CNOT2: variants seen among roughly 807,000 people sequenced by gnomAD.
CNOT2 encodes the protein CC chemokine receptor 4-negative regulator of transcription 2.
In CNOT2, 7 loss-of-function variants were observed where a neutral mutation model predicts 72.1. The observed-to-expected ratio is 0.10, with a 90% CI of 0.06 to 0.18. CNOT2 has a LOEUF of 0.18. CNOT2 is among the 10% of genes least tolerant of loss of function. CNOT2 has a pLI of 1.00. For missense variants in CNOT2, 345 were observed against 660.3 expected (o/e 0.52, Z 5.23); for synonymous variants, 196 against 225.6 (o/e 0.87, Z 1.17).
At chr12:70,263,158 C>T (rs539843021) in intron 1 of CNOT2, among the ~76,000 whole-genome samples, 2 of 152,294 alleles carry the variant, frequency 1.3e-5, no homozygotes, top group African/African-American at 2.4e-5. Flanking sequence ...TGGCTTCCAA[C>T]GTTTTGTGCT....
At chr12:70,295,113 C>T (rs1394463399) in intron 2 of CNOT2, among the ~76,000 whole-genome samples, 1 of 152,148 alleles carries the variant, frequency 6.6e-6, no homozygotes, top group Non-Finnish European at 1.5e-5. Context: ...GCTTTCAAAA[C>T]GTGTTTCTTT....
chr12:70,340,912 T>G (rs1881409703), intron 11 of CNOT2, among the ~76,000 whole-genome samples: 2 of 77,348 alleles, frequency 2.6e-5, no homozygotes, highest in African/African-American at 5.5e-5. Flanking sequence ...TTTTTTTTTT[T>G]GAGACAGAGT....
chr12:70,272,959 T>C (rs1413577608), intron 1 of CNOT2, among the ~76,000 whole-genome samples: 1 of 152,178 alleles, frequency 6.6e-6, no homozygotes, highest in African/African-American at 2.4e-5. Context: ...ATTGATGATA[T>C]ATCTTTGTGC....
intron 1 of CNOT2, among the ~76,000 whole-genome samples, chr12:70,245,339 TTTCTC>T (rs1204199917): frequency 2.0e-5 from 3 of 152,228 alleles, no homozygotes; most frequent in Non-Finnish European, 4.4e-5. Context: ...AAAAGGTACT[TTTCTC>T]TCATATTTTC....
At chr12:70,251,498 T>C (rs957325937) in intron 1 of CNOT2, among the ~76,000 whole-genome samples, 1 of 152,162 alleles carries the variant, frequency 6.6e-6, no homozygotes, top group Non-Finnish European at 1.5e-5. Flanking sequence ...AGCCACAGTA[T>C]GAGGTCTTAT....
intron 2 of CNOT2, among the ~76,000 whole-genome samples, chr12:70,299,974 G>A (rs1308279448): frequency 6.6e-6 from 1 of 152,212 alleles, no homozygotes; most frequent in East Asian, 1.9e-4. Context: ...CTAATGGCCA[G>A]TGATGATGAG....
chr12:70,287,820 T>C (rs1871165056), intron 2 of CNOT2, among the ~76,000 whole-genome samples: 1 of 150,014 alleles, frequency 6.7e-6, no homozygotes, highest in Non-Finnish European at 1.5e-5. Context: ...TTTCCTTGTG[T>C]GTATATTAAG....
At chr12:70,345,352 C>A (rs1198245480) in intron 14 of CNOT2, 1 of 151,870 alleles carries the variant, frequency 6.6e-6, no homozygotes, top group African/African-American at 2.4e-5. Flanking sequence ...TTATGTTTTT[C>A]CTTCATTTTT....
At chr12:70,281,724 T>C (rs1289307078) in intron 2 of CNOT2, among the ~76,000 whole-genome samples, 1 of 152,230 alleles carries the variant, frequency 6.6e-6, no homozygotes, top group African/African-American at 2.4e-5. Context: ...GTTTAGTGTT[T>C]ACCATAATAC....
rs368557583 is a variant in CNOT2 at position 70,338,799 on chromosome 12, A to G, written c.1155A>G (p.Leu385=). 4.3e-6 allele frequency: 7 copies of G among 1,613,414 alleles called. No individual in the cohort carries two copies. Among genetic ancestry groups the G allele is most frequent in the Admixed American group, 1.7e-5 (1 of 59,938 alleles). ...CATTAGGAAGTGACTTAACAACATT[A>G]GGCCTCAATCTGAACTCTCCTGAGT... ...HLALGSDLTT[L]GLNLNSPENL... Residue 385 remains leucine, a synonymous_variant, in exon 11 of 16, where the codon TTA becomes TTG. Transcript: ENST00000229195.
intron 2 of CNOT2, chr12:70,294,162 G>A: frequency 7.8e-7 from 1 of 1,289,184 alleles, no homozygotes; most frequent in Non-Finnish European, 1.0e-6. Flanking sequence ...CAACCCTGCT[G>A]TAATATCTCA....
At chr12:70,288,527 G>A (rs547758636) in intron 2 of CNOT2, among the ~76,000 whole-genome samples, 2 of 152,186 alleles carry the variant, frequency 1.3e-5, no homozygotes, top group African/African-American at 2.4e-5. Flanking sequence ...TAAGCTTGTG[G>A]CTTCTCTGGA....
At chr12:70,303,210 G>A (rs1278310260) in intron 2 of CNOT2, among the ~76,000 whole-genome samples, 5 of 152,064 alleles carry the variant, frequency 3.3e-5, no homozygotes, top group African/African-American at 7.2e-5. Flanking sequence ...CATATAGCCC[G>A]TTCACATTTA....
chr12:70,268,599 G>A (rs1380620589), intron 1 of CNOT2, among the ~76,000 whole-genome samples: 1 of 151,664 alleles, frequency 6.6e-6, no homozygotes, highest in East Asian at 1.9e-4. Context: ...GGGTGCGTGT[G>A]CCATCACGCT....
chr12:70,281,903 T>A (rs1178818565), intron 2 of CNOT2, among the ~76,000 whole-genome samples: 1 of 147,504 alleles, frequency 6.8e-6, no homozygotes, highest in Admixed American at 6.8e-5. Context: ...TAACCACATT[T>A]CAAATGCTCA....
chr12:70,322,493 CTG>C (rs1878451381), intron 4 of CNOT2: 1 of 151,748 alleles, frequency 6.6e-6, no homozygotes, highest in Non-Finnish European at 1.5e-5. Flanking sequence ...AAAAAGGAAA[CTG>C]TCATTTACTG....
At chr12:70,298,923 G>A (rs1166383005) in intron 2 of CNOT2, among the ~76,000 whole-genome samples, 4 of 152,174 alleles carry the variant, frequency 2.6e-5, no homozygotes, top group African/African-American at 7.2e-5. Flanking sequence ...TCACTTTGAT[G>A]TGGGAGAGTA....
chr12:70,247,272 C>G (rs1018832419), intron 1 of CNOT2, among the ~76,000 whole-genome samples: 1 of 151,866 alleles, frequency 6.6e-6, no homozygotes, highest in Admixed American at 6.6e-5. Context: ...TCAAGCGGTT[C>G]TCCTGCCTCA....
chr12:70,341,775 A>T (rs1317548217), intron 11 of CNOT2, among the ~76,000 whole-genome samples: 1 of 152,208 alleles, frequency 6.6e-6, no homozygotes, highest in Non-Finnish European at 1.5e-5. Flanking sequence ...AATTTAATTT[A>T]TATTGGGAGC....
Sources: gnomAD v4.1 joint callset for allele counts (sites outside exome capture counted in the v4.1 genomes callset) on GRCh38, gnomAD v4.1.1 for gene constraint, MANE v1.5 for transcripts, NCBI Gene and HGNC (gene_info 2026-07-23, HGNC 2026-07-21) for gene names.